The following ERAP1 variants were observed in gnomAD, a reference collection of about 807,000 sequenced individuals.
The protein encoded by ERAP1 is endoplasmic reticulum aminopeptidase 1.
Under a neutral mutation model 103.7 loss-of-function variants are expected in ERAP1, and 86 were observed. The ratio of observed to expected loss-of-function variants is 0.83; its 90% CI spans 0.70 to 0.99. The LOEUF (loss-of-function observed/expected upper bound fraction) is 0.99, where lower values mean the gene tolerates loss of function less well. ERAP1 is among the 50% of genes least tolerant of loss of function. ERAP1 has a pLI of 0.00. For synonymous variants in ERAP1, 398 were observed against 402.4 expected (o/e 0.99, Z 0.13); for missense variants, 1,009 against 1,128.4 (o/e 0.89, Z 1.52).
the ERAP1 span, among the ~76,000 whole-genome samples, chr5:96,862,722 T>C: frequency 1.3e-5 from 2 of 152,240 alleles, no homozygotes; most frequent in Non-Finnish European, 2.9e-5. Context: ...TAACCTTCTC[T>C]GCAGCCACCA....
intron 4 of ERAP1, 98 bp from the exon 5 acceptor site, chr5:96,795,260 T>C: frequency 6.6e-7 from 1 of 1,504,608 alleles, no homozygotes. Context: ...TATTGTGGGA[T>C]ATGGTTGCCA....
chr5:96,810,724 C>G (rs1343833608), upstream of ERAP1, among the ~76,000 whole-genome samples: 4 of 152,200 alleles, frequency 2.6e-5, no homozygotes, highest in Admixed American at 6.5e-5. Context: ...ATACATACCA[C>G]TTTGAGCTAT....
chr5:96,904,190 A>T, the ERAP1 span, among the ~76,000 whole-genome samples: 1 of 152,198 alleles, frequency 6.6e-6, no homozygotes, highest in Non-Finnish European at 1.5e-5. Flanking sequence ...ATTCCTCTCT[A>T]GACTTTCCTG....
chr5:96,802,691 T>C (rs766973986), intron 2 of ERAP1, among the ~76,000 whole-genome samples: 6 of 152,218 alleles, frequency 3.9e-5, no homozygotes, highest in Non-Finnish European at 7.3e-5. Context: ...ATGTTGCTAG[T>C]AGGATTTGCT....
chr5:96,828,230 A>G, the ERAP1 span, among the ~76,000 whole-genome samples: 25 of 152,326 alleles, frequency 1.6e-4, no homozygotes, highest in South Asian at 3.1e-3. Flanking sequence ...CCTCTAATTT[A>G]TCGGTCTTTT....
the ERAP1 span, chr5:96,913,479 A>G: frequency 3.9e-5 from 63 of 1,613,062 alleles, no homozygotes; most frequent in Admixed American, 1.5e-4. Context: ...TTTTCATCCA[A>G]TGTTTGTTCT....
upstream of ERAP1, among the ~76,000 whole-genome samples, chr5:96,811,412 A>C (rs1779148631): frequency 1.3e-5 from 2 of 152,196 alleles, no homozygotes; most frequent in African/African-American, 4.8e-5. Flanking sequence ...TTTTTCTAGA[A>C]TGAGGAAACA....
At chr5:96,895,231 GT>G in the ERAP1 span, 1 of 1,486,970 alleles carries the variant, frequency 6.7e-7, no homozygotes, top group Non-Finnish European at 9.3e-7. Context: ...ATAATATTGA[GT>G]TTTTACCTCC....
the ERAP1 span, chr5:96,892,159 T>A: frequency 1.3e-6 from 1 of 771,916 alleles, no homozygotes; most frequent in South Asian, 1.9e-5. Context: ...AGACACCCTG[T>A]CAATGTTAAG....
the ERAP1 span, among the ~76,000 whole-genome samples, chr5:96,930,878 CA>C: frequency 1.3e-5 from 2 of 152,092 alleles, no homozygotes; most frequent in Non-Finnish European, 2.9e-5. Flanking sequence ...GGAGGTAGCA[CA>C]AAAGAGAGAA....
At chr5:96,886,849 TTTG>T in the ERAP1 span, 41,881 of 1,319,972 alleles carry the variant, frequency 0.032, 765 homozygotes, top group Middle Eastern at 0.072. Context: ...GCAATGAACT[TTTG>T]TTTTCTCATG....
rs185698717 is a variant in ERAP1, at chr5:96,788,962, T to C, written c.1525-277A>G. On this transcript the variant is annotated intron_variant, in intron 10 of 18. Coordinates refer to ENST00000443439, the MANE Select transcript of ERAP1 (RefSeq NM_001040458.3). ...CACACTTTGGGGCTGGCAATAACAC[T>C]GGGCACAAAGCAGGCATGTGAATGA... Among the ~76,000 whole-genome samples, 40 of 152,210 alleles carry C rather than the reference T, an allele frequency of 2.6e-4. No homozygotes were observed. The East Asian group carries it at 7.7e-3, about 29-fold the overall frequency.
At chr5:96,912,132 A>G in the ERAP1 span, among the ~76,000 whole-genome samples, 1 of 147,944 alleles carries the variant, frequency 6.8e-6, no homozygotes, top group Non-Finnish European at 1.5e-5. Flanking sequence ...CGGAGCCTGC[A>G]GTGAGCCCAG....
intron 18 of ERAP1, among the ~76,000 whole-genome samples, chr5:96,777,264 G>A (rs1190467418): frequency 6.6e-6 from 1 of 152,142 alleles, no homozygotes; most frequent in Admixed American, 6.5e-5. Flanking sequence ...TGACCATTGT[G>A]CGATTCTGTT....
chr5:96,830,795 G>C, the ERAP1 span, among the ~76,000 whole-genome samples: 12 of 152,238 alleles, frequency 7.9e-5, no homozygotes, highest in Middle Eastern at 3.4e-3. Context: ...GTGCACACAG[G>C]GTGCTTCAGC....
the ERAP1 span, among the ~76,000 whole-genome samples, chr5:96,879,260 C>A: frequency 1.6e-3 from 247 of 152,232 alleles, no homozygotes; most frequent in African/African-American, 5.5e-3. Flanking sequence ...AAAATATAAC[C>A]AAATGTTAAA....
the ERAP1 span, among the ~76,000 whole-genome samples, chr5:96,888,515 G>A: frequency 6.6e-6 from 1 of 152,210 alleles, no homozygotes; most frequent in South Asian, 2.1e-4. Context: ...TCAGCACAGT[G>A]CCTGGTAAAC....
In ERAP1 at chr5:96,781,655, C is replaced by T. The variant is rs1159029220; in HGVS notation, c.2447+38G>A. ...AGAATGATCTAATCTAATCTAATTT[C>T]CCTTGGCCACATGAACATGAATGAA... is the stretch of plus-strand genomic sequence containing the variant. On this transcript the variant is annotated intron_variant, in intron 16 of 18. Transcript: ENST00000443439. The T allele has an allele frequency of 1.9e-6, 3 of 1,613,384 alleles. No individual in the cohort carries two copies. In the South Asian group the frequency reaches 3.3e-5, roughly 18 times the overall value.
chr5:96,897,013 C>A, the ERAP1 span: 1 of 242,060 alleles, frequency 4.1e-6, no homozygotes, highest in Admixed American at 1.7e-4. Context: ...CAGCACTTCC[C>A]TTTTTCCTCT....
Sources: gnomAD v4.1 joint callset for allele counts (sites outside exome capture counted in the v4.1 genomes callset) on GRCh38, gnomAD v4.1.1 for gene constraint, MANE v1.5 for transcripts, NCBI Gene and HGNC (gene_info 2026-07-23, HGNC 2026-07-21) for gene names.